Variants in PTPN3 observed in about 807,000 individuals in gnomAD.
PTPN3 encodes protein tyrosine phosphatase non-receptor type 3.
A neutral mutation model predicts 132.7 loss-of-function variants in PTPN3; 96 were observed. The observed-to-expected ratio is 0.72, with a 90% confidence interval of 0.61 to 0.86. PTPN3 has a LOEUF of 0.86. PTPN3 is among the 40% of genes least tolerant of loss of function. The pLI is 0.00. For synonymous variants in PTPN3, 398 were observed against 429.0 expected, an observed-to-expected ratio of 0.93 and a Z score of 0.89; for missense variants, 1,125 against 1,159.6, an observed-to-expected ratio of 0.97 and a Z score of 0.43.
At chr9:109,407,369 C>T (rs1397411058) in intron 17 of PTPN3, among the ~76,000 whole-genome samples, 1 of 151,940 alleles carries the variant, frequency 6.6e-6, no homozygotes, top group African/African-American at 2.4e-5. Context: ...AGAGCAAGAG[C>T]GAGACCCTGT....
intron 1 of PTPN3, among the ~76,000 whole-genome samples, chr9:109,490,242 G>A (rs906374736): frequency 1.3e-5 from 2 of 152,114 alleles, no homozygotes; most frequent in African/African-American, 4.8e-5. Context: ...AGGGAAAGGC[G>A]TGGGGCTGGA....
chr9:109,420,271 C>T (rs1340469314), intron 14 of PTPN3, among the ~76,000 whole-genome samples, 153 bp downstream of exon 14: 3 of 152,194 alleles, frequency 2.0e-5, no homozygotes, highest in Non-Finnish European at 2.9e-5. Flanking sequence ...AAGGTAGAGT[C>T]TGATTTATGT....
chr9:109,395,269 G>C (rs1027461371), intron 19 of PTPN3, among the ~76,000 whole-genome samples: 5 of 151,902 alleles, frequency 3.3e-5, no homozygotes, highest in Admixed American at 2.6e-4. Context: ...AAATTCAAAT[G>C]ACTAAAGTGA....
Position 109,445,350 on chromosome 9 carries a change from T to C in PTPN3, c.414-58A>G, listed in dbSNP as rs545505003. 5 of 1,416,582 alleles carry C rather than the reference T, an allele frequency of 3.5e-6. No homozygotes were observed. In the East Asian group the frequency reaches 9.1e-5, roughly 26 times the overall value. 87.8% of individuals were successfully genotyped at this position (1,416,582 alleles called of 1,614,324 possible). On this transcript the variant is annotated intron_variant, in intron 6 of 25. Coordinates refer to ENST00000374541, the MANE Select transcript of PTPN3 (RefSeq NM_002829.4). ...AAGAACCAACAACAGCCTTAAACAT[T>C]GACAGATCATGCGTAGTAACACATG...
chr9:109,471,739 A>C (rs1385332839), intron 1 of PTPN3, among the ~76,000 whole-genome samples: 1 of 151,910 alleles, frequency 6.6e-6, no homozygotes, highest in Non-Finnish European at 1.5e-5. Flanking sequence ...TCCTGGGCTC[A>C]AGCAATCCTC....
intron 15 of PTPN3, 48 bp downstream of exon 15, chr9:109,410,181 C>T (rs777228055): frequency 1.1e-5 from 17 of 1,610,638 alleles, no homozygotes; most frequent in East Asian, 2.2e-5. Context: ...CACAAGAGGC[C>T]GGGAAGCCCT....
rs1432178389 is a variant in PTPN3, at chr9:109,408,307, A to C, written c.1635+14T>G. 3.3e-6 allele frequency: 5 copies of C among 1,535,688 alleles called. No individual in the cohort carries two copies. The South Asian group carries it at 5.0e-5, about 15-fold the overall frequency. ...AAACAAACACGAGGAATAACATGGA[A>C]TGTATTTACTTACAGGTGACTCTGG... On this transcript the variant is annotated intron_variant, in intron 17 of 25. Coordinates refer to ENST00000374541, the MANE Select transcript of PTPN3 (RefSeq NM_002829.4).
chr9:109,413,983 A>G (rs948981935), intron 14 of PTPN3, among the ~76,000 whole-genome samples: 6 of 152,170 alleles, frequency 3.9e-5, no homozygotes, highest in Non-Finnish European at 1.5e-5. Flanking sequence ...GTGATGGAAC[A>G]GGGGCCCTGT....
At chr9:109,434,560 G>A (rs149557654) in intron 9 of PTPN3, among the ~76,000 whole-genome samples, 5,828 of 152,184 alleles carry the variant, frequency 0.038, 191 homozygotes, top group East Asian at 0.2. Flanking sequence ...CTCCTGCCTC[G>A]GCCTCCCAAA....
chr9:109,448,902 C>CAAAAAAAA (rs35966698), intron 5 of PTPN3, 47 bp from the exon 6 acceptor site: 6 of 1,292,498 alleles, frequency 4.6e-6, no homozygotes, highest in South Asian at 1.8e-5. Context: ...CTGAAATAAG[C>CAAAAAAAA]AAAAAAAAAA....
At chr9:109,396,088 C>T (rs1002814807) in intron 19 of PTPN3, among the ~76,000 whole-genome samples, 2 of 152,160 alleles carry the variant, frequency 1.3e-5, no homozygotes, top group South Asian at 4.1e-4. Flanking sequence ...TCTTGAACTT[C>T]TGCACTCAAG....
At position 109,459,416 on chromosome 9, in the gene PTPN3, G is replaced by A. The variant is rs189484732; in HGVS notation, c.139-2017C>T. 7.2e-5 allele frequency among the ~76,000 whole-genome samples: 11 copies of A among 152,302 alleles called. No homozygotes were observed. In the East Asian group the frequency reaches 1.9e-3, roughly 27 times the overall value. ...GAGGGATACTCCAAGTTGCAACCAG[G>A]CCCTCCAACTTCTCAAGTTCCATGG... On this transcript the variant is annotated intron_variant, in intron 2 of 25. Coordinates refer to ENST00000374541, the MANE Select transcript of PTPN3 (RefSeq NM_002829.4).
chr9:109,470,672 G>T, intron 1 of PTPN3, among the ~76,000 whole-genome samples: 1 of 149,514 alleles, frequency 6.7e-6, no homozygotes, highest in South Asian at 2.2e-4. Flanking sequence ...CTGCAGCCTG[G>T]GCAACAGAGC....
chr9:109,498,710 C>T (rs896260702), upstream of PTPN3, among the ~76,000 whole-genome samples: 13 of 152,304 alleles, frequency 8.5e-5, no homozygotes, highest in African/African-American at 2.9e-4. The surrounding 1 kb of genome is among the most constrained non-coding windows in gnomAD (Gnocchi z 4.2). Flanking sequence ...AGTAAGCTTC[C>T]CTGGTTAAAC....
the PTPN3 span, among the ~76,000 whole-genome samples, chr9:109,508,912 G>A: frequency 6.6e-6 from 1 of 152,090 alleles, no homozygotes; most frequent in Non-Finnish European, 1.5e-5. Context: ...TAGAAGGTCT[G>A]CAGGTGGGCA....
chr9:109,446,404 T>A (rs927248751), intron 6 of PTPN3, among the ~76,000 whole-genome samples: 2 of 152,146 alleles, frequency 1.3e-5, no homozygotes, highest in East Asian at 1.9e-4. Context: ...AAGTCGACTT[T>A]CCCTATCTGA....
the PTPN3 span, chr9:109,534,317 C>G: frequency 4.6e-6 from 7 of 1,522,812 alleles, no homozygotes; most frequent in South Asian, 3.6e-5. Flanking sequence ...TGCTGGGTCT[C>G]GGCCTCGCTG....
intron 25 of PTPN3, among the ~76,000 whole-genome samples, chr9:109,380,219 ATCT>A: frequency 9.6e-6 from 1 of 104,132 alleles, no homozygotes; most frequent in South Asian, 3.3e-4. Flanking sequence ...AGGAAAATCT[ATCT>A]ATCTATCTAT....
chr9:109,536,238 A>AT, the PTPN3 span, among the ~76,000 whole-genome samples: 1 of 152,232 alleles, frequency 6.6e-6, no homozygotes, highest in East Asian at 1.9e-4. Context: ...CTGTATTGAT[A>AT]TATCACACAA....
Sources: allele counts gnomAD v4.1 joint callset (sites outside exome capture counted in the v4.1 genomes callset), GRCh38; gene constraint gnomAD v4.1.1; non-coding constraint Gnocchi (gnomAD v3.1); transcripts MANE v1.5; gene names NCBI Gene and HGNC (gene_info 2026-07-23, HGNC 2026-07-21).